The following NTRK3 variants were observed in gnomAD, a reference collection of about 807,000 sequenced individuals.
The protein encoded by NTRK3 is NT-3 growth factor receptor.
A neutral mutation model predicts 91.7 loss-of-function variants in NTRK3; 24 were observed. The ratio of observed to expected loss-of-function variants is 0.26; its 90% CI spans 0.19 to 0.37. NTRK3 has a LOEUF of 0.37. Among genes scored for constraint, NTRK3 ranks in the 10% least tolerant of loss-of-function variants. The pLI, the probability that NTRK3 is intolerant of heterozygous loss-of-function variation, is 1.00. For synonymous variants in NTRK3, 483 were observed against 404.0 expected, an observed-to-expected ratio of 1.20 and a Z score of -2.34; for missense variants, 880 against 1,068.9, an observed-to-expected ratio of 0.82 and a Z score of 2.46.
intron 5 of NTRK3, among the ~76,000 whole-genome samples, chr15:88,158,990 G>A (rs1304341473): frequency 6.6e-6 from 1 of 152,208 alleles, no homozygotes; most frequent in African/African-American, 2.4e-5. Flanking sequence ...GAGGGAGAAG[G>A]GAACAGAGGT....
chr15:88,113,320 T>G (rs1196458788), intron 13 of NTRK3, among the ~76,000 whole-genome samples: 2 of 144,398 alleles, frequency 1.4e-5, no homozygotes, highest in African/African-American at 5.2e-5. Flanking sequence ...TCTTTTTTTT[T>G]TTTTTTTTTT....
chr15:88,089,091 T>C, intron 13 of NTRK3, among the ~76,000 whole-genome samples: 1 of 143,078 alleles, frequency 7.0e-6, no homozygotes, highest in Non-Finnish European at 1.5e-5. Context: ...ACCTGGCCTT[T>C]GGCTGAGTGT....
chr15:88,096,271 G>A (rs560047190), intron 13 of NTRK3, among the ~76,000 whole-genome samples: 1 of 152,118 alleles, frequency 6.6e-6, no homozygotes, highest in African/African-American at 2.4e-5. Flanking sequence ...ATTACATCCA[G>A]AGAGCCCCCA....
chr15:88,209,847 T>C (rs1012875736), intron 3 of NTRK3: 7 of 152,394 alleles, frequency 4.6e-5, no homozygotes, highest in African/African-American at 1.4e-4. Flanking sequence ...GGAGATGTAA[T>C]TTCCAGGGGT....
chr15:88,093,087 T>G (rs75954539), intron 13 of NTRK3, among the ~76,000 whole-genome samples: 3 of 150,684 alleles, frequency 2.0e-5, no homozygotes, highest in Non-Finnish European at 4.4e-5. Flanking sequence ...TTTTTTTTTT[T>G]GTTGGGGAGA....
At chr15:87,996,102 G>A (rs915997996) in intron 14 of NTRK3, among the ~76,000 whole-genome samples, 1 of 152,024 alleles carries the variant, frequency 6.6e-6, no homozygotes, top group African/African-American at 2.4e-5. Flanking sequence ...AAATTAGCCG[G>A]GCATGGTGGC....
intron 3 of NTRK3, among the ~76,000 whole-genome samples, chr15:88,250,964 G>A (rs2053289724): frequency 6.6e-6 from 1 of 152,256 alleles, no homozygotes; most frequent in Non-Finnish European, 1.5e-5. Flanking sequence ...CTCCAGCAAT[G>A]GGCTGAAAGC....
intron 13 of NTRK3, among the ~76,000 whole-genome samples, chr15:88,083,225 CT>C (rs1468797689): frequency 6.6e-6 from 1 of 151,990 alleles, no homozygotes; most frequent in African/African-American, 2.4e-5. Context: ...AGTGGTATTT[CT>C]TTTTTGGGAG....
rs142131266 is a variant in NTRK3, at chr15:88,095,391, GA to G, written c.1396+30879del. On this transcript the variant is annotated intron_variant, in intron 13 of 18. Coordinates refer to ENST00000394480, the Ensembl canonical transcript of NTRK3. ...GAACTGGATGACCCAACCCTTCCTAGAGTTTCTGGGGCTGATCAGCGATGAG... is the reference window on the plus strand; with the variant it reads ...GAACTGGATGACCCAACCCTTCCTAGGTTTCTGGGGCTGATCAGCGATGAG... Among the ~76,000 whole-genome samples, 714 of 152,294 alleles carry G rather than the reference GA, an allele frequency of 4.7e-3. 4 individuals carry two copies. The highest frequency in any genetic ancestry group is 0.017 in the African/African-American group (695 of 41,564).
rs2052308963 is a variant in NTRK3, at chr15:88,241,110, G to A, written c.248+14796C>T. Among the ~76,000 whole-genome samples the A allele has an allele frequency of 6.6e-6, 1 of 152,224 alleles. No homozygotes were observed. Among genetic ancestry groups the A allele is most frequent in the African/African-American group, 2.4e-5 (1 of 41,456 alleles). On this transcript the variant is annotated intron_variant, in intron 3 of 18. Coordinates refer to ENST00000394480, the Ensembl canonical transcript of NTRK3. This position sits in a 1 kb window ranked among gnomAD's most constrained non-coding sequence, Gnocchi z 4.3. ...CTTCAGGAGCTCACCACACAGTGAG[G>A]AAACAGGAACATTAACAAGCTAATG...
intron 17 of NTRK3, among the ~76,000 whole-genome samples, chr15:87,893,101 A>G (rs1057105145): frequency 6.6e-6 from 1 of 152,240 alleles, no homozygotes; most frequent in Admixed American, 6.5e-5. Flanking sequence ...TTATAGGAGC[A>G]TAAACATTTC....
At chr15:87,878,288 T>A (rs1377915329) in intron 18 of NTRK3, among the ~76,000 whole-genome samples, 1 of 152,132 alleles carries the variant, frequency 6.6e-6, no homozygotes, top group Non-Finnish European at 1.5e-5. Flanking sequence ...AAAAGCACTG[T>A]CTTTTTTCTC....
intron 14 of NTRK3, among the ~76,000 whole-genome samples, chr15:87,964,889 A>G (rs1393482764): frequency 1.3e-5 from 2 of 152,224 alleles, no homozygotes; most frequent in Non-Finnish European, 2.9e-5. Flanking sequence ...TCACCAGTCA[A>G]TAAACATTGC....
Position 88,233,438 on chromosome 15 carries a change from C to T in NTRK3, c.248+22468G>A, listed in dbSNP as rs1351482644. 6.6e-6 allele frequency among the ~76,000 whole-genome samples: 1 copy of T among 152,062 alleles called. No homozygotes were observed. Among genetic ancestry groups the T allele is most frequent in the African/African-American group, 2.4e-5 (1 of 41,374 alleles). The stretch of plus-strand genomic sequence containing the variant: ...ACAGCCTGCAGGCTCTTTAAGCATC[C>T]TGGGGAGAAGTGGCACCCCACGAAA... On this transcript the variant is annotated intron_variant, in intron 3 of 18. Transcript: ENST00000394480. The surrounding 1 kb of genome is among the most constrained non-coding windows in gnomAD (Gnocchi z 4.2).
intron 3 of NTRK3, among the ~76,000 whole-genome samples, chr15:88,232,749 G>T (rs2051320192): frequency 6.6e-6 from 1 of 152,164 alleles, no homozygotes; most frequent in Admixed American, 6.5e-5. Context: ...GGCCCCAGAG[G>T]CCTACTGAGG....
intron 15 of NTRK3, 47 bp downstream of exon 15, chr15:87,940,576 C>T (rs758957331): frequency 6.2e-7 from 1 of 1,612,426 alleles, no homozygotes; most frequent in Non-Finnish European, 8.5e-7. Flanking sequence ...CCTCCCTGGG[C>T]CCTCAGCCAG....
intron 10 of NTRK3, among the ~76,000 whole-genome samples, chr15:88,129,920 A>C (rs528649374): frequency 6.6e-6 from 1 of 152,338 alleles, no homozygotes; most frequent in African/African-American, 2.4e-5. Flanking sequence ...TAAGGCCATT[A>C]GGGTGAGTCC....
At chr15:88,158,338 A>G (rs983779461) in intron 5 of NTRK3, among the ~76,000 whole-genome samples, 6 of 152,298 alleles carry the variant, frequency 3.9e-5, no homozygotes, top group Admixed American at 2.0e-4. Flanking sequence ...TGTATTCAGT[A>G]AAGTCTGAGT....
intron 13 of NTRK3, among the ~76,000 whole-genome samples, chr15:88,101,958 A>G (rs1230414504): frequency 6.6e-6 from 1 of 152,188 alleles, no homozygotes; most frequent in Non-Finnish European, 1.5e-5. Context: ...TGGCACATGT[A>G]TACATATGTA....
Sources: gnomAD v4.1 joint callset for allele counts (sites outside exome capture counted in the v4.1 genomes callset) on GRCh38, gnomAD v4.1.1 for gene constraint, Gnocchi (gnomAD v3.1) non-coding constraint, MANE v1.5 for transcripts, NCBI Gene and HGNC (gene_info 2026-07-23, HGNC 2026-07-21) for gene names.